The following SDAD1 variants were observed in gnomAD, a reference collection of about 807,000 sequenced individuals.
The protein encoded by SDAD1 is SDA1 domain containing 1, also known as protein SDA1 homolog.
A neutral mutation model predicts 100.3 loss-of-function variants in SDAD1; 79 were observed. That is an observed-to-expected ratio of 0.79 (90% confidence interval 0.66 to 0.95). The LOEUF is 0.95. Among genes scored for constraint, SDAD1 ranks in the 40% least tolerant of loss-of-function variants. The probability of loss-of-function intolerance (pLI) is 0.00; values close to 1 mark genes in which losing one functional copy is unlikely to be tolerated. For synonymous variants in SDAD1, 267 were observed against 271.4 expected (o/e 0.98, Z 0.16); for missense variants, 790 against 810.9 (o/e 0.97, Z 0.31).
At chr4:75,953,641 T>G (rs1728730170) in intron 21 of SDAD1, among the ~76,000 whole-genome samples, 1 of 152,212 alleles carries the variant, frequency 6.6e-6, no homozygotes, top group Non-Finnish European at 1.5e-5. Flanking sequence ...GTACCTTAAT[T>G]CAGTGAATAC....
intron 17 of SDAD1, among the ~76,000 whole-genome samples, chr4:75,959,699 C>T (rs979741418): frequency 3.9e-5 from 6 of 152,132 alleles, no homozygotes; most frequent in Non-Finnish European, 8.8e-5. Context: ...TATTTGCCCA[C>T]AAATTCAACA....
At chr4:75,989,669 C>A (rs1731118205) in intron 1 of SDAD1, among the ~76,000 whole-genome samples, 1 of 152,220 alleles carries the variant, frequency 6.6e-6, no homozygotes, top group Non-Finnish European at 1.5e-5. Context: ...AGACTCTCAA[C>A]TTACCACTTT....
rs1366845407 is a variant in SDAD1, at chr4:75,974,111, C to T, written c.601G>A (p.Val201Ile). 3 of 1,613,642 alleles carry T rather than the reference C, an allele frequency of 1.9e-6. No individual in the cohort carries two copies. The highest frequency in any genetic ancestry group is 1.3e-5 in the African/African-American group (1 of 74,910). Residue 201 changes from valine to isoleucine, a missense_variant, in exon 7 of 22, where the codon GTT (valine) becomes ATT (isoleucine). Transcript: ENST00000356260. ...NIWNDAKTVN[V>I]ITTACFSKVT... The stretch of plus-strand genomic sequence containing the variant: ...TTAGAGAAACATGCAGTTGTGATAA[C>T]ATTGACAGTTTTTGCATCATTCCTG...
intron 1 of SDAD1, among the ~76,000 whole-genome samples, chr4:75,985,051 G>A (rs1374901725): frequency 6.6e-6 from 1 of 152,078 alleles, no homozygotes; most frequent in Non-Finnish European, 1.5e-5. Flanking sequence ...TAGGAGTGAG[G>A]AGAGGGCTAC....
chr4:75,961,966 G>A (rs1242203336), intron 14 of SDAD1, among the ~76,000 whole-genome samples: 1 of 152,146 alleles, frequency 6.6e-6, no homozygotes, highest in African/African-American at 2.4e-5. Flanking sequence ...TGTTACATAT[G>A]TATACATGTG....
At chr4:75,952,446 T>G (rs1351507248) in intron 21 of SDAD1, among the ~76,000 whole-genome samples, 1 of 152,200 alleles carries the variant, frequency 6.6e-6, no homozygotes, top group Non-Finnish European at 1.5e-5. Flanking sequence ...TCTTTTATCT[T>G]TCTACAGGCT....
intron 1 of SDAD1, 124 bp downstream of exon 1, chr4:75,990,628 A>G: frequency 6.3e-7 from 1 of 1,593,470 alleles, no homozygotes. Context: ...CTCTGGAGGG[A>G]CCCCTGAACC....
intron 8 of SDAD1, among the ~76,000 whole-genome samples, chr4:75,972,939 T>C (rs1729951398): frequency 6.6e-6 from 1 of 151,944 alleles, no homozygotes; most frequent in South Asian, 2.1e-4. Flanking sequence ...GAGAACGGCA[T>C]GAACCCGGGA....
rs17001265 is a variant in SDAD1, at chr4:75,950,856, T to C, written c.2017-59A>G. The C allele has an allele frequency of 2.3e-3, 2,728 of 1,202,898 alleles. 44 individuals carry two copies. In the African/African-American group the frequency reaches 0.037, roughly 16 times the overall value. The allele number at this position is 1,202,898 out of a possible 1,614,324, so 74.5% of individuals were successfully genotyped here. ...TCTTGGGTACCCTATTATACGAATT[T>C]GGTTACATGAAAGTTTACTAAAAAG... On this transcript the variant is annotated intron_variant, in intron 21 of 21. Transcript: ENST00000356260.
chr4:75,965,829 A>G lies in SDAD1; in HGVS notation c.1046-7T>C, dbSNP rs968195678. On this transcript the variant is annotated splice_polypyrimidine_tract_variant and splice_region_variant and intron_variant, in intron 12 of 21. Coordinates refer to ENST00000356260, the MANE Select transcript of SDAD1 (RefSeq NM_018115.4). ...AGAAGGATCTTGGTTACTTCTGAAA[A>G]CATAAGAGAACAGAAAGGTCATGGT... The G allele has an allele frequency of 6.2e-7, 1 of 1,612,376 alleles. No individual in the cohort carries two copies. Among genetic ancestry groups the G allele is most frequent in the African/African-American group, 1.3e-5 (1 of 74,928 alleles).
chr4:75,964,043 T>A, intron 14 of SDAD1, 92 bp downstream of exon 14: 2 of 815,092 alleles, frequency 2.5e-6, no homozygotes, highest in Non-Finnish European at 4.1e-6. Flanking sequence ...ATAGAGGTGA[T>A]ACTACCAGCT....
intron 8 of SDAD1, among the ~76,000 whole-genome samples, chr4:75,972,802 G>A (rs192778403): frequency 2.4e-4 from 36 of 151,618 alleles, no homozygotes; most frequent in African/African-American, 7.0e-4. Context: ...CGGGTGGATC[G>A]TGAGGTCAGG....
chr4:75,973,373 T>G lies in SDAD1; in HGVS notation c.655A>C (p.Thr219Pro). The G allele has an allele frequency of 6.2e-7, 1 of 1,613,524 alleles. No individual in the cohort carries two copies. Among genetic ancestry groups the G allele is most frequent in the Non-Finnish European group, 8.5e-7 (1 of 1,179,660 alleles). Residue 219 changes from threonine to proline, a missense_variant, in exon 8 of 22, where the codon ACA becomes CCA. Coordinates refer to ENST00000356260, the MANE Select transcript of SDAD1 (RefSeq NM_018115.4). ...TCTTCATCTTTCCCAAGAAAGAATG[T>G]CAAAGCGGCAACTAATATCTAAACA... ...KVTKILVAAL[T>P]FFLGKDEDEK...
intron 18 of SDAD1, 55 bp downstream of exon 18, chr4:75,957,792 G>T (rs370674838): frequency 6.2e-7 from 1 of 1,611,620 alleles, no homozygotes. Flanking sequence ...ACAAGGCCCA[G>T]AATAAATTAC....
At chr4:75,989,680 C>A (rs887263896) in intron 1 of SDAD1, among the ~76,000 whole-genome samples, 2 of 152,248 alleles carry the variant, frequency 1.3e-5, no homozygotes, top group African/African-American at 4.8e-5. Flanking sequence ...TTACCACTTT[C>A]TTTGCGAATG....
chr4:75,959,949 A>G, intron 17 of SDAD1, 117 bp downstream of exon 17: 1 of 1,106,534 alleles, frequency 9.0e-7, no homozygotes, highest in Non-Finnish European at 1.2e-6. Flanking sequence ...TGCGTGGCAC[A>G]TAGTCATTGC....
At chr4:75,964,484 G>A (rs1212626648) in intron 13 of SDAD1, among the ~76,000 whole-genome samples, 2 of 152,130 alleles carry the variant, frequency 1.3e-5, no homozygotes, top group Admixed American at 6.5e-5. Context: ...TACAAAATTT[G>A]CTTATTAAAG....
chr4:75,967,343 A>T lies in SDAD1; in HGVS notation c.988-9T>A, dbSNP rs1181190921. 6.2e-7 allele frequency: 1 copy of T among 1,613,598 alleles called. No individual in the cohort carries two copies. Among genetic ancestry groups the T allele is most frequent in the East Asian group, 2.2e-5 (1 of 44,874 alleles). On this transcript the variant is annotated splice_polypyrimidine_tract_variant and intron_variant, in intron 11 of 21. Coordinates refer to ENST00000356260, the MANE Select transcript of SDAD1 (RefSeq NM_018115.4). ...AAATTGAAGAGGAAAAGCTGTGGAG[A>T]GAAAACCGACTTTAATACTGATGCA... is the stretch of plus-strand genomic sequence containing the variant.
At chr4:75,970,441 T>C (rs377695862) in intron 9 of SDAD1, 63 bp from the exon 10 acceptor site, 35 of 1,289,190 alleles carry the variant, frequency 2.7e-5, no homozygotes, top group Non-Finnish European at 3.7e-5. Context: ...TAGAACTTAA[T>C]GTGCTAATAA....
Sources: gnomAD v4.1 joint callset for allele counts (sites outside exome capture counted in the v4.1 genomes callset) on GRCh38, gnomAD v4.1.1 for gene constraint, MANE v1.5 for transcripts, NCBI Gene and HGNC (gene_info 2026-07-23, HGNC 2026-07-21) for gene names.